C3orf70: variants seen among roughly 807,000 people sequenced by gnomAD.
The protein encoded by C3orf70 is UPF0524 protein C3orf70.
Under a neutral mutation model 20.7 loss-of-function variants are expected in C3orf70, and 15 were observed. The ratio of observed to expected loss-of-function variants is 0.72; its 90% CI spans 0.48 to 1.11. The LOEUF (loss-of-function observed/expected upper bound fraction) is 1.11, where lower values mean the gene tolerates loss of function less well. Among genes scored for constraint, C3orf70 ranks in the 50% most tolerant of loss-of-function variants. The pLI is 0.00. For missense variants in C3orf70, 332 were observed against 317.6 expected, an observed-to-expected ratio of 1.05 and a Z score of -0.34; for synonymous variants, 161 against 125.7, an observed-to-expected ratio of 1.28 and a Z score of -1.88.
chr3:185,109,901 GAACA>G (rs1229586685), intron 1 of C3orf70, among the ~76,000 whole-genome samples: 3 of 152,186 alleles, frequency 2.0e-5, no homozygotes, highest in African/African-American at 7.2e-5. Flanking sequence ...TTGCACTGCA[GAACA>G]GACAGAGGTG....
intron 1 of C3orf70, among the ~76,000 whole-genome samples, chr3:185,084,643 C>A (rs1366276712): frequency 1.3e-5 from 2 of 152,148 alleles, no homozygotes; most frequent in Admixed American, 1.3e-4. Context: ...TATCTCCAAG[C>A]CTTCCTCTCT....
At chr3:185,105,046 G>T (rs1186936893) in intron 1 of C3orf70, among the ~76,000 whole-genome samples, 1 of 152,130 alleles carries the variant, frequency 6.6e-6, no homozygotes, top group African/African-American at 2.4e-5. Flanking sequence ...ATCAAATAAG[G>T]AGAAAATACA....
intron 1 of C3orf70, among the ~76,000 whole-genome samples, chr3:185,093,861 T>C (rs114959521): frequency 0.014 from 2,139 of 152,048 alleles, 56 homozygotes; most frequent in African/African-American, 0.049. Context: ...ACCAGTCTCT[T>C]TACCTAGATA....
chr3:185,144,043 T>C (rs1431728663), intron 1 of C3orf70, among the ~76,000 whole-genome samples: 1 of 151,924 alleles, frequency 6.6e-6, no homozygotes, highest in East Asian at 1.9e-4. Flanking sequence ...AAAATAGAAC[T>C]TTCCACAATG....
chr3:185,149,477 G>A (rs62289840), intron 1 of C3orf70, among the ~76,000 whole-genome samples: 10,552 of 151,780 alleles, frequency 0.07, 421 homozygotes, highest in South Asian at 0.11. Flanking sequence ...TCCATATGGG[G>A]TCCAGTGTGG....
At chr3:185,106,085 T>G (rs1279528129) in intron 1 of C3orf70, among the ~76,000 whole-genome samples, 2 of 152,296 alleles carry the variant, frequency 1.3e-5, no homozygotes, top group South Asian at 4.2e-4. Flanking sequence ...CAGAGGACAC[T>G]GGGTGAAAAG....
At chr3:185,134,116 C>CATATATATAT (rs1553921592) in intron 1 of C3orf70, among the ~76,000 whole-genome samples, 2 of 134,668 alleles carry the variant, frequency 1.5e-5, no homozygotes, top group African/African-American at 5.4e-5. Context: ...AAAAATACAT[C>CATATATATAT]ATATATATAT....
rs952096319 is a variant in C3orf70, at chr3:185,152,973, C to T, written c.-150G>A. 2 of 612,254 alleles carry T rather than the reference C, an allele frequency of 3.3e-6. No individual in the cohort carries two copies. Among genetic ancestry groups the T allele is most frequent in the Non-Finnish European group, 4.6e-6 (2 of 433,446 alleles). 37.9% of individuals were successfully genotyped at this position (612,254 alleles called of 1,614,324 possible). A position where few individuals can be genotyped will look rare whatever the true frequency, so the allele number is the denominator to read the frequency against. ...CGGCGGCGGCGGGAGCGCGGCGGTC[C>T]CAGGCTCGAGGAGGAGCCGCCCCGG... is the stretch of plus-strand genomic sequence containing the variant. On this transcript the variant is annotated 5_prime_UTR_variant, in exon 1 of 2. Transcript: ENST00000335012.
Position 185,077,702 on chromosome 3 carries a change from A to G in C3orf70, c.*5305T>C, listed in dbSNP as rs191437564. 4.7e-5 allele frequency among the ~76,000 whole-genome samples: 7 copies of G among 149,492 alleles called. No homozygotes were observed. The East Asian group carries it at 1.4e-3, about 31-fold the overall frequency. On this transcript the variant is annotated 3_prime_UTR_variant, in exon 2 of 2. Coordinates refer to ENST00000335012, the MANE Select transcript of C3orf70 (RefSeq NM_001025266.3). ...CCTCGATGCCTGATCTTCAGTTAGA[A>G]CTGCAGCCAACACTGCCCCACATGA...
At chr3:185,124,429 G>A (rs1360147381) in intron 1 of C3orf70, among the ~76,000 whole-genome samples, 3 of 152,220 alleles carry the variant, frequency 2.0e-5, no homozygotes, top group Non-Finnish European at 4.4e-5. Context: ...CGCACTGCCT[G>A]ATTTCAAGAC....
intron 1 of C3orf70, among the ~76,000 whole-genome samples, chr3:185,105,175 G>T (rs909123733): frequency 6.6e-6 from 1 of 152,220 alleles, no homozygotes; most frequent in African/African-American, 2.4e-5. Flanking sequence ...AGGTTAAGTA[G>T]ATGTTAGGAC....
chr3:185,143,356 A>C (rs892653569), intron 1 of C3orf70, among the ~76,000 whole-genome samples: 1 of 152,188 alleles, frequency 6.6e-6, no homozygotes, highest in Non-Finnish European at 1.5e-5. Flanking sequence ...TTATATTCTT[A>C]GTGCTTTTAT....
At chr3:185,102,982 T>C (rs1715852019) in intron 1 of C3orf70, among the ~76,000 whole-genome samples, 1 of 152,108 alleles carries the variant, frequency 6.6e-6, no homozygotes, top group African/African-American at 2.4e-5. Context: ...CAGTGGCTCA[T>C]GCCTGTAATC....
intron 1 of C3orf70, among the ~76,000 whole-genome samples, chr3:185,141,946 C>T: frequency 6.6e-6 from 1 of 152,032 alleles, no homozygotes; most frequent in Admixed American, 6.6e-5. Context: ...TGAAAAGGAA[C>T]TCGGTTTCCT....
At chr3:185,084,781 A>C (rs1715425094) in intron 1 of C3orf70, among the ~76,000 whole-genome samples, 1 of 152,220 alleles carries the variant, frequency 6.6e-6, no homozygotes, top group African/African-American at 2.4e-5. Flanking sequence ...TAGGGCTGAA[A>C]ATATCCAATC....
intron 1 of C3orf70, among the ~76,000 whole-genome samples, chr3:185,125,465 A>G (rs1235726769): frequency 1.3e-5 from 2 of 152,206 alleles, no homozygotes; most frequent in Non-Finnish European, 2.9e-5. Context: ...AAAATTAAAC[A>G]TAAACTTTTG....
intron 1 of C3orf70, among the ~76,000 whole-genome samples, chr3:185,106,754 C>A (rs990790721): frequency 6.6e-6 from 1 of 152,210 alleles, no homozygotes. Flanking sequence ...GCCTGGGGAA[C>A]CCCCCGCAAA....
intron 1 of C3orf70, among the ~76,000 whole-genome samples, chr3:185,089,582 A>G (rs991830607): frequency 6.6e-6 from 1 of 152,064 alleles, no homozygotes; most frequent in Non-Finnish European, 1.5e-5. Context: ...CATTCAAACC[A>G]CTCTCAGAGC....
At chr3:185,143,494 C>G (rs963062619) in intron 1 of C3orf70, among the ~76,000 whole-genome samples, 1 of 152,186 alleles carries the variant, frequency 6.6e-6, no homozygotes, top group Non-Finnish European at 1.5e-5. Context: ...CTTGGGAAGG[C>G]ATTGTACAGA....
Sources: gnomAD v4.1 joint callset for allele counts (sites outside exome capture counted in the v4.1 genomes callset) on GRCh38, gnomAD v4.1.1 for gene constraint, MANE v1.5 for transcripts, NCBI Gene and HGNC (gene_info 2026-07-23, HGNC 2026-07-21) for gene names.